Variants in CACNB4 observed in about 807,000 individuals in gnomAD.
CACNB4 encodes voltage-dependent L-type calcium channel subunit beta-4.
In CACNB4, 32 loss-of-function variants were observed where a neutral mutation model predicts 71.2. The observed-to-expected ratio is 0.45, with a 90% CI of 0.34 to 0.60. The LOEUF (loss-of-function observed/expected upper bound fraction) is 0.60. Ranked by LOEUF, CACNB4 falls within the 20% of genes least tolerant of loss-of-function variation. The probability of loss-of-function intolerance (pLI) is 0.01; values close to 1 mark genes in which losing one functional copy is unlikely to be tolerated. For missense variants in CACNB4, 464 were observed against 647.9 expected, an observed-to-expected ratio of 0.72 and a Z score of 3.08; for synonymous variants, 231 against 236.9, an observed-to-expected ratio of 0.97 and a Z score of 0.23.
At chr2:151,934,628 A>C (rs929983695) in intron 2 of CACNB4, among the ~76,000 whole-genome samples, 1 of 152,116 alleles carries the variant, frequency 6.6e-6, no homozygotes, top group Non-Finnish European at 1.5e-5. Flanking sequence ...CACGAGATCA[A>C]GAGATGGAGA....
chr2:151,931,185 A>AG, intron 2 of CACNB4, among the ~76,000 whole-genome samples: 1 of 152,338 alleles, frequency 6.6e-6, no homozygotes, highest in Non-Finnish European at 1.5e-5. Flanking sequence ...GCAGTATACC[A>AG]GCTGGCTATT....
intron 2 of CACNB4, among the ~76,000 whole-genome samples, chr2:151,900,173 G>C (rs2099853025): frequency 6.6e-6 from 1 of 152,128 alleles, no homozygotes; most frequent in South Asian, 2.1e-4. Context: ...GAGTTGCAGT[G>C]GATGCTAAAG....
At chr2:152,066,128 C>T (rs1438488699) in intron 2 of CACNB4, among the ~76,000 whole-genome samples, 3 of 152,284 alleles carry the variant, frequency 2.0e-5, no homozygotes, top group East Asian at 1.9e-4. Context: ...CCTCTGCTGA[C>T]GTGGCCACGT....
intron 2 of CACNB4, among the ~76,000 whole-genome samples, chr2:152,064,029 T>C (rs138042081): frequency 9.2e-5 from 14 of 152,340 alleles, no homozygotes; most frequent in African/African-American, 2.6e-4. Context: ...GACAATGTAA[T>C]AACAGTCTTG....
At chr2:151,870,435 A>C in intron 8 of CACNB4, 96 bp downstream of exon 8, 1 of 974,762 alleles carries the variant, frequency 1.0e-6, no homozygotes, top group Non-Finnish European at 1.6e-6. Context: ...TTCCATCAGG[A>C]CCCACGTGGA....
chr2:152,019,723 C>T (rs571370467), intron 2 of CACNB4, among the ~76,000 whole-genome samples: 5 of 152,264 alleles, frequency 3.3e-5, no homozygotes, highest in African/African-American at 1.2e-4. Flanking sequence ...AGATGACCAC[C>T]AAATGTGTGT....
intron 2 of CACNB4, among the ~76,000 whole-genome samples, chr2:152,074,677 T>C (rs77171776): frequency 0.16 from 929 of 5,880 alleles, 86 homozygotes; most frequent in East Asian, 0.38. Context: ...TTACCACCTC[T>C]ATCATCACCA....
intron 2 of CACNB4, among the ~76,000 whole-genome samples, chr2:152,025,533 C>A (rs1244859626): frequency 6.6e-6 from 1 of 152,158 alleles, no homozygotes; most frequent in East Asian, 1.9e-4. Context: ...AAGGAAGTGG[C>A]TGTAACACTA....
At chr2:152,020,777 G>A (rs1161674564) in intron 2 of CACNB4, among the ~76,000 whole-genome samples, 1 of 152,144 alleles carries the variant, frequency 6.6e-6, no homozygotes, top group Non-Finnish European at 1.5e-5. Flanking sequence ...CCGGGGAAAG[G>A]AAAGCACAAG....
At chr2:151,848,618 T>C (rs1424065426) in intron 12 of CACNB4, among the ~76,000 whole-genome samples, 1 of 152,162 alleles carries the variant, frequency 6.6e-6, no homozygotes, top group East Asian at 1.9e-4. Context: ...AGAGTGACCA[T>C]GGTTACTGTA....
chr2:152,079,189 C>T (rs575271147), intron 2 of CACNB4, among the ~76,000 whole-genome samples: 32 of 152,082 alleles, frequency 2.1e-4, no homozygotes, highest in South Asian at 1.9e-3. Context: ...CCCAGGTTCA[C>T]GCCATTCTCC....
chr2:152,060,249 G>A (rs891929994), intron 2 of CACNB4, among the ~76,000 whole-genome samples: 1 of 152,176 alleles, frequency 6.6e-6, no homozygotes, highest in African/African-American at 2.4e-5. Flanking sequence ...AGCCTTTGGT[G>A]TGTAGTAAAA....
chr2:152,029,942 C>T (rs1160083612), intron 2 of CACNB4, among the ~76,000 whole-genome samples: 4 of 152,142 alleles, frequency 2.6e-5, no homozygotes, highest in Non-Finnish European at 5.9e-5. Flanking sequence ...GCCACCTGGT[C>T]TACAGTATTT....
intron 2 of CACNB4, among the ~76,000 whole-genome samples, chr2:152,064,102 T>C (rs1429621451): frequency 1.3e-5 from 2 of 152,206 alleles, no homozygotes; most frequent in African/African-American, 4.8e-5. Flanking sequence ...GTCTTCAATA[T>C]ATAACTACAC....
Position 151,959,784 on chromosome 2 carries a change from A to T in CACNB4, c.148-76414T>A, listed in dbSNP as rs185894623. ...CTGTGTAATTTCAAAACCAAAGCAG[A>T]ACAATATCATATTTATCAACATACT... On this transcript the variant is annotated intron_variant, in intron 2 of 13. Transcript: ENST00000539935. 1.0e-3 allele frequency among the ~76,000 whole-genome samples: 159 copies of T among 152,312 alleles called. 1 individual carries two copies. The highest frequency in any genetic ancestry group is 3.5e-3 in the African/African-American group (146 of 41,572).
intron 2 of CACNB4, among the ~76,000 whole-genome samples, chr2:151,930,716 G>A (rs1174444730): frequency 1.3e-5 from 2 of 151,886 alleles, no homozygotes; most frequent in African/African-American, 4.8e-5. Flanking sequence ...TTACTGAAAA[G>A]GAAAAGTTCC....
chr2:152,002,616 G>A (rs548545728), intron 2 of CACNB4, among the ~76,000 whole-genome samples: 10 of 152,316 alleles, frequency 6.6e-5, no homozygotes, highest in African/African-American at 2.4e-4. Context: ...ACCTCTCTGA[G>A]ACTTGGTTCT....
At chr2:152,053,827 G>A (rs1401184180) in intron 2 of CACNB4, among the ~76,000 whole-genome samples, 1 of 151,988 alleles carries the variant, frequency 6.6e-6, no homozygotes, top group East Asian at 1.9e-4. Context: ...ACCTGGCCCT[G>A]CTCCAGCAAA....
intron 2 of CACNB4, among the ~76,000 whole-genome samples, chr2:151,901,900 A>G (rs1159860736): frequency 6.6e-6 from 1 of 152,236 alleles, no homozygotes; most frequent in African/African-American, 2.4e-5. Flanking sequence ...AATGGAATCT[A>G]TCACCTTGCA....
Sources: gnomAD v4.1 joint callset for allele counts (sites outside exome capture counted in the v4.1 genomes callset) on GRCh38, gnomAD v4.1.1 for gene constraint, MANE v1.5 for transcripts, NCBI Gene and HGNC (gene_info 2026-07-23, HGNC 2026-07-21) for gene names.